Variants in FHAD1 observed in about 807,000 individuals in gnomAD.
The protein encoded by FHAD1 is forkhead associated phosphopeptide binding domain 1.
Under a neutral mutation model 191.3 loss-of-function variants are expected in FHAD1, and 146 were observed. That is an observed-to-expected ratio of 0.76 (90% CI 0.67 to 0.88). FHAD1 has a LOEUF of 0.88. Among genes scored for constraint, FHAD1 ranks in the 40% least tolerant of loss-of-function variants. The pLI is 0.00. For missense variants in FHAD1, 1,635 were observed against 1,785.8 expected (o/e 0.92, Z 1.52); for synonymous variants, 616 against 672.3 (o/e 0.92, Z 1.29).
At chr1:15,259,768 G>T (rs144446558) in intron 2 of FHAD1, among the ~76,000 whole-genome samples, 1 of 152,166 alleles carries the variant, frequency 6.6e-6, no homozygotes, top group Non-Finnish European at 1.5e-5. Context: ...GATGACCCAC[G>T]AGGATCCTGT....
At chr1:15,356,885 A>AC (rs938529763) in intron 20 of FHAD1, among the ~76,000 whole-genome samples, 5 of 152,196 alleles carry the variant, frequency 3.3e-5, no homozygotes, top group Admixed American at 6.5e-5. Context: ...AAAAAAAAAA[A>AC]AATTGAATGA....
intron 1 of FHAD1, among the ~76,000 whole-genome samples, chr1:15,241,973 G>A (rs1041888462): frequency 3.9e-5 from 6 of 152,140 alleles, no homozygotes; most frequent in African/African-American, 1.2e-4. Flanking sequence ...AGTGGCTCAC[G>A]CCTCTAATCC....
chr1:15,316,299 GGCCTTGGA>G lies in FHAD1; in HGVS notation c.1171-75_1171-68del, dbSNP rs1331196481. The G allele has an allele frequency of 2.7e-6, 3 of 1,125,888 alleles. No individual in the cohort carries two copies. In the African/African-American group the frequency reaches 4.7e-5, roughly 18 times the overall value. 69.7% of individuals were successfully genotyped at this position (1,125,888 alleles called of 1,614,324 possible). A position where few individuals can be genotyped will look rare whatever the true frequency, so the allele number is the denominator to read the frequency against. On this transcript the variant is annotated intron_variant, in intron 8 of 33. Coordinates refer to ENST00000688493, the MANE Select transcript of FHAD1 (RefSeq NM_001391957.1). The surrounding 1 kb of genome is among the most constrained non-coding windows in gnomAD (Gnocchi z 4.3). ...GAAATGCTCTCAGGGGCTCACATGG[GGCCTTGGA>G]GCCCCTCCTTCCCCCGACAACCCTA...
rs1392406654 is a variant in FHAD1 at position 15,386,913 on chromosome 1, A to G, written c.4189-1138A>G. Among the ~76,000 whole-genome samples, 8 of 146,148 alleles carry G rather than the reference A, an allele frequency of 5.5e-5. No individual in the cohort carries two copies. The East Asian group carries it at 1.6e-3, about 29-fold the overall frequency. ...AGTTTCGCTCTGTTGCCCAGGCTGG[A>G]GTGCCGTGGCACAATCTCGGCTCAC... is the stretch of plus-strand genomic sequence containing the variant. On this transcript the variant is annotated intron_variant, in intron 31 of 33. Transcript: ENST00000688493.
At chr1:15,340,235 A>G (rs1685984966) in intron 15 of FHAD1, among the ~76,000 whole-genome samples, 1 of 152,272 alleles carries the variant, frequency 6.6e-6, no homozygotes, top group Admixed American at 6.5e-5. Flanking sequence ...TTCTAGAGGC[A>G]AATGAGCTTT....
intron 10 of FHAD1, among the ~76,000 whole-genome samples, chr1:15,323,631 C>T (rs1677121787): frequency 6.6e-6 from 1 of 152,178 alleles, no homozygotes; most frequent in African/African-American, 2.4e-5. Flanking sequence ...GTCTCATTTC[C>T]TGCAAGTGCC....
At chr1:15,243,607 G>A (rs1165637114), upstream of FHAD1, among the ~76,000 whole-genome samples, 2 of 152,236 alleles carry the variant, frequency 1.3e-5, no homozygotes, top group Non-Finnish European at 2.9e-5. Flanking sequence ...GCCCAGAGAA[G>A]GTGGCTGGGA....
At chr1:15,278,700 CT>C (rs1467806421) in intron 3 of FHAD1, among the ~76,000 whole-genome samples, 1 of 152,122 alleles carries the variant, frequency 6.6e-6, no homozygotes, top group Admixed American at 6.5e-5. Flanking sequence ...TCTGGAACTC[CT>C]GACCTCAGGT....
chr1:15,382,293 C>T (rs1028102675), intron 31 of FHAD1, 100 bp downstream of exon 31: 1 of 1,223,424 alleles, frequency 8.2e-7, no homozygotes, highest in Non-Finnish European at 1.1e-6. Context: ...TAGCACAGAA[C>T]ACAGGGATGG....
chr1:15,319,503 G>A (rs1192905673), intron 10 of FHAD1, among the ~76,000 whole-genome samples: 2 of 152,170 alleles, frequency 1.3e-5, no homozygotes, highest in Non-Finnish European at 1.5e-5. Flanking sequence ...GCTCACGCCT[G>A]TAATCCCAGC....
chr1:15,395,765 T>C (rs6663033), intron 33 of FHAD1, among the ~76,000 whole-genome samples: 4,759 of 152,060 alleles, frequency 0.031, 153 homozygotes, highest in African/African-American at 0.08. Flanking sequence ...CCAACACAAA[T>C]TCGTAAACTT....
chr1:15,372,465 A>C (rs1698384030), intron 26 of FHAD1, among the ~76,000 whole-genome samples: 1 of 152,154 alleles, frequency 6.6e-6, no homozygotes, highest in Non-Finnish European at 1.5e-5. Flanking sequence ...CCAGAATCAG[A>C]GTATTTGTGC....
chr1:15,388,129 C>T lies in FHAD1; in HGVS notation c.4267C>T (p.Gln1423Ter), dbSNP rs1004117362. The change falls in exon 32 of 34, where the codon CAG becomes TAG. Residue 1423 changes from glutamine to a stop codon, truncating the protein, a stop_gained and splice_region_variant. Coordinates refer to ENST00000688493, the MANE Select transcript of FHAD1 (RefSeq NM_001391957.1). LOFTEE classifies it high-confidence loss of function. ...CNCAFKEKDR[Q>*]RRVFVEMVKN... ...CTGTGCCTTCAAAGAGAAAGACAGGCAGGTATGGGAGGTGTTCTGATGTTG... is the reference window on the plus strand; with the variant it reads ...CTGTGCCTTCAAAGAGAAAGACAGGTAGGTATGGGAGGTGTTCTGATGTTG... 2.3e-6 allele frequency: 3 copies of T among 1,288,776 alleles called. No individual in the cohort carries two copies. The highest frequency in any genetic ancestry group is 1.0e-6 in the Non-Finnish European group (1 of 988,110). 79.8% of individuals were successfully genotyped at this position (1,288,776 alleles called of 1,614,324 possible).
intron 3 of FHAD1, chr1:15,287,041 T>C (rs1462013235): frequency 6.6e-6 from 1 of 152,220 alleles, no homozygotes. Flanking sequence ...GAAAAGGTCA[T>C]GGGAATGAGT....
At chr1:15,247,743 C>A (rs1257070138) in intron 1 of FHAD1, among the ~76,000 whole-genome samples, 1 of 152,262 alleles carries the variant, frequency 6.6e-6, no homozygotes, top group South Asian at 2.1e-4. Context: ...AGACTCCCCC[C>A]TTGCCTAACC....
chr1:15,383,348 TC>T (rs1701355470), intron 31 of FHAD1: 6 of 427,218 alleles, frequency 1.4e-5, no homozygotes, highest in Admixed American at 2.4e-5. Context: ...GACACTGCCT[TC>T]CCCATGCTGC....
chr1:15,253,192 AAG>A (rs5772632), intron 2 of FHAD1, among the ~76,000 whole-genome samples: 32 of 144,788 alleles, frequency 2.2e-4, no homozygotes, highest in Admixed American at 1.7e-3. Flanking sequence ...GTGTCAGAGA[AAG>A]AGAGAGAGAG....
rs368475456 is a variant in FHAD1, at chr1:15,327,133, C to T, written c.1548C>T (p.Thr516=). 2.9e-4 allele frequency: 455 copies of T among 1,550,774 alleles called. No individual in the cohort carries two copies. Among genetic ancestry groups the T allele is most frequent in the Non-Finnish European group, 3.8e-4 (439 of 1,146,432 alleles). ...RAKPFRDKPV[T]DQQLIEKITQ... is the part of the protein sequence containing the mutation. ...AGCCGTTCCGGGACAAGCCCGTCAC[C>T]GACCAACAGGTTAGTCTGCCGTCCC... Residue 516 remains threonine, a synonymous_variant, in exon 12 of 34, where the codon ACC becomes ACT. Coordinates refer to ENST00000688493, the MANE Select transcript of FHAD1 (RefSeq NM_001391957.1). This position sits in a 1 kb window ranked among gnomAD's most constrained non-coding sequence, Gnocchi z 5.1.
chr1:15,242,583 G>A (rs768326978), upstream of FHAD1, among the ~76,000 whole-genome samples: 9 of 152,130 alleles, frequency 5.9e-5, no homozygotes, highest in African/African-American at 1.9e-4. Context: ...GAGACTGCTG[G>A]GTTCCCAAGA....
Sources: gnomAD v4.1 joint callset for allele counts (sites outside exome capture counted in the v4.1 genomes callset) on GRCh38, gnomAD v4.1.1 for gene constraint, Gnocchi (gnomAD v3.1) non-coding constraint, MANE v1.5 for transcripts, NCBI Gene and HGNC (gene_info 2026-07-23, HGNC 2026-07-21) for gene names.